Variants in SYT12 observed in about 807,000 individuals in gnomAD.
SYT12 encodes synaptotagmin 12, also known as synaptotagmin-12.
Under a neutral mutation model 39.5 loss-of-function variants are expected in SYT12, and 27 were observed. The observed-to-expected ratio is 0.68, with a 90% CI of 0.50 to 0.94. SYT12 has a LOEUF of 0.94. Among genes scored for constraint, SYT12 ranks in the 40% least tolerant of loss-of-function variants. The pLI is 0.00. For missense variants in SYT12, 536 were observed against 572.6 expected (o/e 0.94, Z 0.65); for synonymous variants, 233 against 239.7 (o/e 0.97, Z 0.26).
intron 6 of SYT12, among the ~76,000 whole-genome samples, chr11:67,045,087 G>A (rs934166876): frequency 1.3e-5 from 2 of 152,114 alleles, no homozygotes; most frequent in Non-Finnish European, 2.9e-5. Flanking sequence ...CCCAGAGACA[G>A]GGCAGTATCC....
At chr11:67,027,987 A>G (rs1950205248) in intron 1 of SYT12, 1 of 152,224 alleles carries the variant, frequency 6.6e-6, no homozygotes, top group Non-Finnish European at 1.5e-5. Flanking sequence ...ATGGTGACCC[A>G]TTTGACCTGC....
intron 1 of SYT12, chr11:67,029,844 T>G (rs1950233254): frequency 2.7e-6 from 1 of 366,914 alleles, no homozygotes; most frequent in African/African-American, 2.1e-5. Context: ...AAAGAGAGAC[T>G]CCATCTGAAA....
intron 6 of SYT12, 182 bp from the exon 7 acceptor site, chr11:67,045,562 T>G (rs1854515183): frequency 1.2e-6 from 1 of 853,536 alleles, no homozygotes; most frequent in South Asian, 1.8e-5. Context: ...TGACGTGCTG[T>G]GTGAGCCTCA....
upstream of SYT12, among the ~76,000 whole-genome samples, chr11:67,019,854 G>A (rs1398974890): frequency 2.0e-5 from 3 of 149,504 alleles, no homozygotes; most frequent in African/African-American, 5.0e-5. Flanking sequence ...CCGTCTTTGT[G>A]CCACTGCACT....
At chr11:67,015,401 T>C (rs947852068) in intron 3 of SYT12, among the ~76,000 whole-genome samples, 1 of 152,158 alleles carries the variant, frequency 6.6e-6, no homozygotes, top group Non-Finnish European at 1.5e-5. Context: ...CACAGGCTGC[T>C]CTCCAATGAT....
chr11:67,012,994 C>T (rs1414303087), intron 3 of SYT12, among the ~76,000 whole-genome samples: 3 of 152,080 alleles, frequency 2.0e-5, no homozygotes, highest in Non-Finnish European at 4.4e-5. Context: ...TGGGAATCTG[C>T]CCGTCATTCC....
At chr11:67,023,485 C>G (rs1193411206) in intron 1 of SYT12, 25 bp downstream of exon 1, 1 of 151,526 alleles carries the variant, frequency 6.6e-6, no homozygotes, top group Non-Finnish European at 1.5e-5. Context: ...CGCCGACCCC[C>G]GTGCGCGGCC....
intron 3 of SYT12, among the ~76,000 whole-genome samples, chr11:67,035,634 T>G (rs1950347529): frequency 6.6e-6 from 1 of 150,642 alleles, no homozygotes; most frequent in Non-Finnish European, 1.5e-5. Flanking sequence ...ATTTTTTGTA[T>G]TTTTAGTAGA....
intron 2 of SYT12, among the ~76,000 whole-genome samples, chr11:67,010,464 C>T (rs1950005534): frequency 6.6e-6 from 1 of 152,200 alleles, no homozygotes; most frequent in South Asian, 2.1e-4. Context: ...CATGATGTAG[C>T]CAAGCCCCAG....
intron 3 of SYT12, among the ~76,000 whole-genome samples, chr11:67,035,429 TTTTTTC>T (rs1188014939): frequency 5.3e-4 from 80 of 150,896 alleles, no homozygotes; most frequent in East Asian, 2.3e-3. Context: ...TTACTTTCTT[TTTTTTC>T]TTTTTCTTTT....
Position 67,048,933 on chromosome 11 carries a change from T to C in SYT12, c.*176T>C. The C allele has an allele frequency of 1.4e-6, 1 of 736,322 alleles. No individual in the cohort carries two copies. Among genetic ancestry groups the C allele is most frequent in the Non-Finnish European group, 2.1e-6 (1 of 471,732 alleles). 45.6% of individuals were successfully genotyped at this position (736,322 alleles called of 1,614,324 possible). On this transcript the variant is annotated 3_prime_UTR_variant, in exon 8 of 8. Coordinates refer to ENST00000527043, the MANE Select transcript of SYT12 (RefSeq NM_177963.4). The stretch of plus-strand genomic sequence containing the variant: ...ATTGCAGCAGAGGAGTGGGCGTGGC[T>C]CTGTGTCCAGGGCCCCAGGGTCTGC...
chr11:67,031,481 G>A (rs975045011), intron 2 of SYT12: 2 of 152,240 alleles, frequency 1.3e-5, no homozygotes, highest in Middle Eastern at 3.2e-3. Flanking sequence ...CAACCTCACA[G>A]GATTGCCTTG....
At chr11:67,024,650 A>G (rs1038494993) in intron 1 of SYT12, among the ~76,000 whole-genome samples, 1 of 152,032 alleles carries the variant, frequency 6.6e-6, no homozygotes, top group African/African-American at 2.4e-5. Flanking sequence ...TGCCCAATAA[A>G]TGCCAGCCAG....
At chr11:67,020,039 G>A, upstream of SYT12, among the ~76,000 whole-genome samples, 1 of 152,118 alleles carries the variant, frequency 6.6e-6, no homozygotes, top group East Asian at 1.9e-4. Flanking sequence ...GTGATGCTCA[G>A]ATGGAGCATC....
chr11:67,034,532 C>A, intron 2 of SYT12, 113 bp from the exon 3 acceptor site: 1 of 895,058 alleles, frequency 1.1e-6, no homozygotes. Flanking sequence ...CAGCACCTAG[C>A]ACATAGTAGG....
chr11:67,022,685 G>T (rs1231469629), upstream of SYT12: 3 of 152,210 alleles, frequency 2.0e-5, no homozygotes, highest in Non-Finnish European at 4.4e-5. Flanking sequence ...CTTTGGCTCT[G>T]TGACCTTGGT....
intron 2 of SYT12, chr11:67,031,681 A>T (rs1434339991): frequency 6.6e-6 from 1 of 152,168 alleles, no homozygotes; most frequent in Non-Finnish European, 1.5e-5. Context: ...GCGAATTGTC[A>T]TTTCATGTCA....
chr11:67,029,858 C>A (rs1220846709), intron 1 of SYT12: 6 of 402,406 alleles, frequency 1.5e-5, no homozygotes. Flanking sequence ...TCTGAAAAAA[C>A]AAAACAAAAC....
At chr11:67,017,833 G>T (rs1461427264) in intron 3 of SYT12, among the ~76,000 whole-genome samples, 1 of 149,202 alleles carries the variant, frequency 6.7e-6, no homozygotes, top group African/African-American at 2.5e-5. Context: ...GTTGGCAGGC[G>T]CTTGTAATCC....
Sources: allele counts gnomAD v4.1 joint callset (sites outside exome capture counted in the v4.1 genomes callset), GRCh38; gene constraint gnomAD v4.1.1; transcripts MANE v1.5; gene names NCBI Gene and HGNC (gene_info 2026-07-23, HGNC 2026-07-21).